DDX54: variants seen among roughly 807,000 people sequenced by gnomAD.
DDX54 encodes the protein DEAD-box helicase 54.
DDX54 carries 67 observed loss-of-function variants against 105.5 expected under a neutral mutation model. The ratio of observed to expected loss-of-function variants is 0.64; its 90% CI spans 0.52 to 0.78. The LOEUF is 0.78. Among genes scored for constraint, DDX54 ranks in the 30% least tolerant of loss-of-function variants. The probability of loss-of-function intolerance (pLI) is 0.00; values close to 1 mark genes in which losing one functional copy is unlikely to be tolerated. For missense variants in DDX54, 1,206 were observed against 1,230.5 expected, an observed-to-expected ratio of 0.98 and a Z score of 0.30; for synonymous variants, 514 against 509.9, an observed-to-expected ratio of 1.01 and a Z score of -0.11.
rs182605238 is a variant in DDX54 at position 113,180,872 on chromosome 12, C to T, written c.304+57G>A. On this transcript the variant is annotated intron_variant, in intron 2 of 19. Coordinates refer to ENST00000306014, the MANE Select transcript of DDX54 (RefSeq NM_024072.4). Reference sequence around the variant, plus strand: ...GGACATCAGTGATGGAGTGCAGAGGCGGGGTTGACCTCCAGCTGCCACTCC... The same window carrying T: ...GGACATCAGTGATGGAGTGCAGAGGTGGGGTTGACCTCCAGCTGCCACTCC... 2.2e-4 allele frequency: 356 copies of T among 1,607,226 alleles called. No homozygotes were observed. In the African/African-American group the frequency reaches 3.5e-3, roughly 16 times the overall value.
At chr12:113,169,005 C>G (rs1952305787) in intron 12 of DDX54, among the ~76,000 whole-genome samples, 1 of 152,062 alleles carries the variant, frequency 6.6e-6, no homozygotes. Context: ...GCTGCGCTCC[C>G]CTGAAAACTC....
Position 113,180,863 on chromosome 12 carries a change from G to A in DDX54, c.304+66C>T, listed in dbSNP as rs1363065460. ...GCCCAGAGTGGACATCAGTGATGGA[G>A]TGCAGAGGCGGGGTTGACCTCCAGC... On this transcript the variant is annotated intron_variant, in intron 2 of 19. Transcript: ENST00000306014. 10 of 1,605,304 alleles carry A rather than the reference G, an allele frequency of 6.2e-6. No homozygotes were observed. The African/African-American group carries it at 1.2e-4, about 19-fold the overall frequency.
intron 11 of DDX54, 65 bp downstream of exon 11, chr12:113,172,288 T>C: frequency 6.5e-7 from 1 of 1,542,894 alleles, no homozygotes; most frequent in Non-Finnish European, 8.8e-7. Context: ...TTAAGCCTTG[T>C]ACCCTCGGCT....
At chr12:113,175,186 A>AGAGGGGGC (rs1351937628) in intron 7 of DDX54, 29 bp from the exon 8 acceptor site, 43 of 1,568,862 alleles carry the variant, frequency 2.7e-5, no homozygotes, top group Non-Finnish European at 3.5e-5. Flanking sequence ...GGACTGGGTC[A>AGAGGGGGC]GAGGGGGCCT....
intron 10 of DDX54, among the ~76,000 whole-genome samples, chr12:113,173,002 A>G (rs1952357983): frequency 6.6e-6 from 1 of 152,158 alleles, no homozygotes; most frequent in African/African-American, 2.4e-5. Context: ...CTGAGAACAG[A>G]GTCTCAACAT....
chr12:113,177,321 T>G, intron 5 of DDX54: 1 of 539,032 alleles, frequency 1.9e-6, no homozygotes, highest in Non-Finnish European at 3.3e-6. Flanking sequence ...TCTGAAGAGA[T>G]GGGCTCAACT....
At chr12:113,170,037 G>A (rs1458922089) in intron 11 of DDX54, 133 bp from the exon 12 acceptor site, 8 of 1,264,688 alleles carry the variant, frequency 6.3e-6, no homozygotes, top group African/African-American at 3.0e-5. Flanking sequence ...CCCCACCTAC[G>A]CACAGGGAAG....
At chr12:113,164,022 C>A (rs1013518639) in intron 15 of DDX54, 45 bp downstream of exon 15, 2 of 1,513,756 alleles carry the variant, frequency 1.3e-6, no homozygotes, top group African/African-American at 1.4e-5. Flanking sequence ...TTAGCCACCC[C>A]TTCCCCATAC....
Position 113,185,439 on chromosome 12 carries a change from TGTC to T in DDX54, c.10_12del (p.Asp4del). ...GACCGAGGTCCAGCCGCCGGGCCCT[TGTC>T]GGCCGCCATTCGGGCCGCGCGCTGG... On this transcript the variant is annotated inframe_deletion, in exon 1 of 20. Transcript: ENST00000306014. The T allele has an allele frequency of 6.6e-7, 1 of 1,508,300 alleles. No homozygotes were observed. Among genetic ancestry groups the T allele is most frequent in the South Asian group, 1.2e-5 (1 of 80,598 alleles). 93.4% of individuals were successfully genotyped at this position (1,508,300 alleles called of 1,614,324 possible).
chr12:113,160,752 T>C (rs1952193561), intron 19 of DDX54, among the ~76,000 whole-genome samples: 1 of 152,148 alleles, frequency 6.6e-6, no homozygotes, highest in Non-Finnish European at 1.5e-5. Context: ...TTTGGTGACA[T>C]GAACTTCCCC....
At position 113,169,824 on chromosome 12, in the gene DDX54, G is replaced by A. The variant is rs777223531; in HGVS notation, c.1360C>T (p.His454Tyr). Reference protein sequence around the residue: ...PDEIPYLLDLHLFLGRSLTLA... With the variant: ...PDEIPYLLDLYLFLGRSLTLA... ...GTGAGGGAGCGGCCCAGGAACAGGT[G>A]CAGATCCAGCAGGTAGGGGATTTCA... Residue 454 changes from histidine (H) to tyrosine (Y), a missense_variant, in exon 12 of 20, where the codon CAC becomes TAC. Around this residue, in one of 3 missense-constraint regions of DDX54, gnomAD observed 961 missense variants for 1,019.1 expected, o/e 0.94. Transcript: ENST00000306014. 5 of 1,614,026 alleles carry A rather than the reference G, an allele frequency of 3.1e-6. No individual in the cohort carries two copies. In the South Asian group the frequency reaches 4.4e-5, roughly 14 times the overall value.
Position 113,165,237 on chromosome 12 carries a change from A to G in DDX54, c.1719+407T>C, listed in dbSNP as rs533114287. Among the ~76,000 whole-genome samples, 5 of 152,190 alleles carry G rather than the reference A, an allele frequency of 3.3e-5. No individual in the cohort carries two copies. The South Asian group carries it at 1.0e-3, about 32-fold the overall frequency. On this transcript the variant is annotated intron_variant, in intron 14 of 19. Transcript: ENST00000306014. ...TTTCCTTTTGTGCATCCCCTTCCAT[A>G]TGCACAAGATGGGGTGCCTAATGGG...
rs763066080 is a variant in DDX54 at position 113,185,425 on chromosome 12, A to G, written c.27T>C (p.Ala9=). Residue 9 remains alanine, a synonymous_variant, in exon 1 of 20, where the codon GCT becomes GCC. Transcript: ENST00000306014. ...CCATGGCAGCTCGCGACCGAGGTCC[A>G]GCCGCCGGGCCCTTGTCGGCCGCCA... The part of the protein sequence containing the change: MAADKGPA[A]GPRSRAAMAQ... The G allele has an allele frequency of 6.6e-7, 1 of 1,523,898 alleles. No homozygotes were observed. The allele number at this position is 1,523,898 out of a possible 1,614,324, so 94.4% of individuals were successfully genotyped here. A position where few individuals can be genotyped will look rare whatever the true frequency, so the allele number is the denominator to read the frequency against.
intron 19 of DDX54, among the ~76,000 whole-genome samples, chr12:113,160,073 T>C (rs750467992): frequency 6.6e-6 from 1 of 152,138 alleles, no homozygotes; most frequent in Non-Finnish European, 1.5e-5. Context: ...TGCACGGCAA[T>C]GCTCGCAGCA....
chr12:113,179,938 C>T lies in DDX54; in HGVS notation c.372G>A (p.Arg124=). Residue 124 remains arginine, a synonymous_variant, in exon 3 of 20, where the codon AGG becomes AGA. Coordinates refer to ENST00000306014, the MANE Select transcript of DDX54 (RefSeq NM_024072.4). ...CGTCGACCGCCCCACCCCTCACCTT[C>T]CTCTGGATGGGTGTTGGCACCTTGT... is the stretch of plus-strand genomic sequence containing the variant. ...KGYKVPTPIQ[R]KTIPVILDGK... is the part of the protein sequence containing the mutation. 6.2e-7 allele frequency: 1 copy of T among 1,614,164 alleles called. No homozygotes were observed. Among genetic ancestry groups the T allele is most frequent in the Non-Finnish European group, 8.5e-7 (1 of 1,180,028 alleles).
chr12:113,176,021 C>T (rs1232128672), intron 7 of DDX54, among the ~76,000 whole-genome samples: 1 of 144,758 alleles, frequency 6.9e-6, no homozygotes, highest in African/African-American at 2.5e-5. Context: ...TCCCCCACAA[C>T]CCCCTCCCCA....
In DDX54 at chr12:113,157,888, A is replaced by T; in HGVS notation, c.*989T>A. 3.4e-6 allele frequency: 2 copies of T among 592,498 alleles called. No homozygotes were observed. Among genetic ancestry groups the T allele is most frequent in the South Asian group, 2.0e-5 (1 of 49,766 alleles). The allele number at this position is 592,498 out of a possible 1,614,324, so 36.7% of individuals were successfully genotyped here. Reference sequence around the variant, plus strand: ...TCCATAAATGCAGGCCCTGATGAGGAGGTGATGGGAAGGTCAAGGGGCTAT... The same window carrying T: ...TCCATAAATGCAGGCCCTGATGAGGTGGTGATGGGAAGGTCAAGGGGCTAT... On this transcript the variant is annotated 3_prime_UTR_variant, in exon 20 of 20. Transcript: ENST00000306014.
chr12:113,185,444 G>T lies in DDX54; in HGVS notation c.8C>A (p.Ala3Asp), dbSNP rs2168854. Reference sequence around the variant, plus strand: ...AGGTCCAGCCGCCGGGCCCTTGTCGGCCGCCATTCGGGCCGCGCGCTGGGA... The same window carrying T: ...AGGTCCAGCCGCCGGGCCCTTGTCGTCCGCCATTCGGGCCGCGCGCTGGGA... MA[A>D]DKGPAAGPRS... The change falls in exon 1 of 20, where the codon GCC becomes GAC. Residue 3 changes from alanine (A) to aspartate (D), a missense_variant. Physicochemically the swap from Ala to Asp is moderately radical, Grantham distance 126. This residue lies in a region of DDX54 where 212 missense variants were observed against 155.4 expected (regional missense o/e 1.36). Transcript: ENST00000306014. 3 of 1,506,340 alleles carry T rather than the reference G, an allele frequency of 2.0e-6. No individual in the cohort carries two copies. Among genetic ancestry groups the T allele is most frequent in the Non-Finnish European group, 2.7e-6 (3 of 1,131,224 alleles). 93.3% of individuals were successfully genotyped at this position (1,506,340 alleles called of 1,614,324 possible). A position where few individuals can be genotyped will look rare whatever the true frequency, so the allele number is the denominator to read the frequency against.
intron 19 of DDX54, among the ~76,000 whole-genome samples, chr12:113,160,605 C>A (rs911106979): frequency 5.3e-5 from 8 of 152,138 alleles, no homozygotes; most frequent in Non-Finnish European, 1.0e-4. Flanking sequence ...GGCTGAGGGA[C>A]CCAGGCCAGA....
Sources: gnomAD v4.1 joint callset for allele counts (sites outside exome capture counted in the v4.1 genomes callset) on GRCh38, gnomAD v4.1.1 for gene constraint, gnomAD v4.1.1 regional missense constraint, MANE v1.5 for transcripts, NCBI Gene and HGNC (gene_info 2026-07-23, HGNC 2026-07-21) for gene names.